Variants in CASD1 observed in about 807,000 individuals in gnomAD.
The protein encoded by CASD1 is N-acetylneuraminate (7)9-O-acetyltransferase.
A neutral mutation model predicts 100.0 loss-of-function variants in CASD1; 41 were observed. The ratio of observed to expected loss-of-function variants is 0.41; its 90% CI spans 0.32 to 0.53. The LOEUF (loss-of-function observed/expected upper bound fraction) is 0.53. Ranked by LOEUF, CASD1 falls within the 20% of genes least tolerant of loss-of-function variation. The pLI, the probability that CASD1 is intolerant of heterozygous loss-of-function variation, is 0.25. For missense variants in CASD1, 774 were observed against 948.7 expected (o/e 0.82, Z 2.42); for synonymous variants, 321 against 315.6 (o/e 1.02, Z -0.18).
At chr7:94,619,020 A>C in the CASD1 span, 4 of 1,209,950 alleles carry the variant, frequency 3.3e-6, no homozygotes, top group Admixed American at 6.7e-5. Context: ...AGGAAACAAA[A>C]GAACAATTTG....
At chr7:94,571,768 T>C in the CASD1 span, among the ~76,000 whole-genome samples, 1 of 152,130 alleles carries the variant, frequency 6.6e-6, no homozygotes, top group African/African-American at 2.4e-5. Flanking sequence ...AAATTCCAGC[T>C]TCTCTGTGTG....
chr7:94,553,047 T>C (rs1666204292), intron 16 of CASD1: 3 of 303,462 alleles, frequency 9.9e-6, no homozygotes. Flanking sequence ...CTACATTCTT[T>C]TTAGCGTTGT....
At chr7:94,632,019 A>C in the CASD1 span, among the ~76,000 whole-genome samples, 1 of 152,186 alleles carries the variant, frequency 6.6e-6, no homozygotes, top group Admixed American at 6.6e-5. Flanking sequence ...GGAATGGATG[A>C]GTACATTCTA....
At chr7:94,619,105 A>T in the CASD1 span, 1 of 660,596 alleles carries the variant, frequency 1.5e-6, no homozygotes, top group Admixed American at 2.3e-5. Context: ...TTTCTGTTTA[A>T]CAGAGGATGT....
chr7:94,541,537 G>GT (rs56786123), intron 10 of CASD1, among the ~76,000 whole-genome samples: 10,802 of 60,158 alleles, frequency 0.18, 3,187 homozygotes, highest in Non-Finnish European at 0.25. Flanking sequence ...TGTTCCACTG[G>GT]TTTTTTTTTT....
At chr7:94,598,774 C>CTGCTG in the CASD1 span, 1 of 1,599,096 alleles carries the variant, frequency 6.3e-7, no homozygotes, top group Non-Finnish European at 8.6e-7. Context: ...TGGACACTTA[C>CTGCTG]TGCTGCGTTT....
the CASD1 span, among the ~76,000 whole-genome samples, chr7:94,592,599 T>G: frequency 6.6e-6 from 1 of 152,170 alleles, no homozygotes; most frequent in African/African-American, 2.4e-5. Flanking sequence ...TTGTGTAAAT[T>G]AGTCATTGCA....
chr7:94,554,616 G>A, intron 17 of CASD1, 41 bp downstream of exon 17: 1 of 1,306,982 alleles, frequency 7.7e-7, no homozygotes, highest in Non-Finnish European at 1.1e-6. Context: ...ACAGCCAGGT[G>A]TTTCATGTTT....
intron 15 of CASD1, chr7:94,551,742 A>T (rs1040664807): frequency 9.4e-5 from 16 of 169,776 alleles, no homozygotes; most frequent in Non-Finnish European, 1.0e-4. Context: ...ATACACATTT[A>T]TTTCAAATGC....
the CASD1 span, among the ~76,000 whole-genome samples, chr7:94,577,339 C>T: frequency 6.6e-6 from 1 of 152,180 alleles, no homozygotes; most frequent in Non-Finnish European, 1.5e-5. Flanking sequence ...GTAAACTAAT[C>T]CTTTAAAGTC....
chr7:94,629,733 G>A, the CASD1 span: 3 of 1,611,040 alleles, frequency 1.9e-6, no homozygotes, highest in South Asian at 2.2e-5. Context: ...TTTTGGGTAA[G>A]GTGGAAATTC....
chr7:94,520,062 A>G (rs1432488258), intron 3 of CASD1, among the ~76,000 whole-genome samples: 1 of 152,206 alleles, frequency 6.6e-6, no homozygotes. Context: ...TTATCAAACG[A>G]GATATCAGAC....
chr7:94,545,348 A>G (rs554718986), intron 11 of CASD1, among the ~76,000 whole-genome samples, 197 bp from the exon 12 acceptor site: 1 of 152,198 alleles, frequency 6.6e-6, no homozygotes, highest in East Asian at 1.9e-4. Flanking sequence ...GATGATGTAT[A>G]CATATTTTAT....
chr7:94,510,118 G>T lies in CASD1; in HGVS notation c.34G>T (p.Glu12Ter). ...AALAYNLGKR[E>*]INHYFSVRSA... The stretch of plus-strand genomic sequence containing the variant: ...TCTGGCCTACAACCTGGGCAAGCGG[G>T]AGATCAACCACTACTTCAGCGTGAG... The change falls in exon 1 of 18, where the codon GAG becomes TAG. Residue 12 changes from glutamate (E) to a stop codon, truncating the protein, a stop_gained. Coordinates refer to ENST00000297273, the MANE Select transcript of CASD1 (RefSeq NM_022900.5). LOFTEE classifies it high-confidence loss of function. 1 of 1,530,366 alleles carries T rather than the reference G, an allele frequency of 6.5e-7. No individual in the cohort carries two copies. 94.8% of individuals were successfully genotyped at this position (1,530,366 alleles called of 1,614,324 possible). A position where few individuals can be genotyped will look rare whatever the true frequency, so the allele number is the denominator to read the frequency against.
the CASD1 span, among the ~76,000 whole-genome samples, chr7:94,604,555 A>T: frequency 1.3e-5 from 2 of 151,260 alleles, no homozygotes; most frequent in Non-Finnish European, 3.0e-5. Context: ...GATCAATGGA[A>T]TAGAACTGAG....
chr7:94,599,536 C>T, the CASD1 span: 3 of 639,404 alleles, frequency 4.7e-6, no homozygotes, highest in Admixed American at 2.8e-5. Flanking sequence ...AGTTTCTACC[C>T]CTCCTAAATA....
At chr7:94,623,233 T>G in the CASD1 span, 2 of 756,304 alleles carry the variant, frequency 2.6e-6, no homozygotes, top group African/African-American at 3.6e-5. Context: ...GTATGTGGCA[T>G]TTTAAAATTC....
At chr7:94,614,226 T>G in the CASD1 span, among the ~76,000 whole-genome samples, 1 of 152,042 alleles carries the variant, frequency 6.6e-6, no homozygotes, top group Non-Finnish European at 1.5e-5. Flanking sequence ...TCTAAAAGAA[T>G]TTTTTCATGT....
rs1796162660 is a variant in CASD1, at chr7:94,555,605, T to C, written c.2241T>C (p.Cys747=). The change falls in exon 18 of 18, where the codon TGT becomes TGC. Residue 747 remains cysteine, a synonymous_variant. Transcript: ENST00000297273. ...TTGTCAGCACTTTCATATTTGTTTG[T>C]GTGGCACATGAAATTTCTCAGATCA... ...NIIVSTFIFV[C]VAHEISQITN... The C allele has an allele frequency of 1.9e-6, 3 of 1,613,638 alleles. No homozygotes were observed. The highest frequency in any genetic ancestry group is 2.5e-6 in the Non-Finnish European group (3 of 1,179,706).
Sources: gnomAD v4.1 joint callset for allele counts (sites outside exome capture counted in the v4.1 genomes callset) on GRCh38, gnomAD v4.1.1 for gene constraint, MANE v1.5 for transcripts, NCBI Gene and HGNC (gene_info 2026-07-23, HGNC 2026-07-21) for gene names.